Variants in PRMT7 observed in about 807,000 individuals in gnomAD.
PRMT7 encodes protein arginine methyltransferase 7.
In PRMT7, 75 loss-of-function variants were observed where a neutral mutation model predicts 85.4. The ratio of observed to expected loss-of-function variants is 0.88; its 90% CI spans 0.73 to 1.06. The LOEUF is 1.06. Ranked by LOEUF, PRMT7 falls within the 50% of genes least tolerant of loss-of-function variation. The probability of loss-of-function intolerance (pLI) is 0.00; values close to 1 mark genes in which losing one functional copy is unlikely to be tolerated. For missense variants in PRMT7, 868 were observed against 915.2 expected, an observed-to-expected ratio of 0.95 and a Z score of 0.67; for synonymous variants, 397 against 359.5, an observed-to-expected ratio of 1.10 and a Z score of -1.18.
At chr16:68,352,118 G>A in intron 14 of PRMT7, 130 bp from the exon 15 acceptor site, 1 of 902,588 alleles carries the variant, frequency 1.1e-6, no homozygotes, top group Non-Finnish European at 1.7e-6. Context: ...GTGACTGAGT[G>A]AGGGAGGGAG....
intron 12 of PRMT7, 105 bp downstream of exon 12, chr16:68,347,399 C>G: frequency 8.2e-7 from 1 of 1,219,456 alleles, no homozygotes; most frequent in Middle Eastern, 1.9e-4. Context: ...GCAAAGGCCA[C>G]TGTTGTGGGC....
intron 5 of PRMT7, among the ~76,000 whole-genome samples, chr16:68,325,847 A>T (rs1020862404): frequency 6.6e-6 from 1 of 152,126 alleles, no homozygotes; most frequent in Non-Finnish European, 1.5e-5. Flanking sequence ...ACAGATTTTG[A>T]TTTAACTTTT....
intron 15 of PRMT7, 144 bp from the exon 16 acceptor site, chr16:68,353,348 G>C (rs2087702545): frequency 1.4e-6 from 2 of 1,475,036 alleles, no homozygotes; most frequent in African/African-American, 1.4e-5. Context: ...AACCGTTGTG[G>C]ATCTTTGTTC....
rs767452585 is a variant in PRMT7 at position 68,347,229 on chromosome 16, G to A, written c.1210G>A (p.Val404Met). 48 of 1,552,958 alleles carry A rather than the reference G, an allele frequency of 3.1e-5. 1 individual carries two copies. In the South Asian group the frequency reaches 4.8e-4, roughly 15 times the overall value. ...CCCGCAGGTGCTGAAGCCAGACAGC[G>A]TGTGCCTGTGTGTCAGCGATGGCAG... is the stretch of plus-strand genomic sequence containing the variant. ...ALRTVLKPDSVCLCVSDGSLL... is the reference protein window; with the variant it reads ...ALRTVLKPDSMCLCVSDGSLL... Residue 404 changes from valine to methionine, a missense_variant, in exon 12 of 19, where the codon GTG becomes ATG. Transcript: ENST00000441236.
At chr16:68,350,136 T>C (rs11075672) in intron 14 of PRMT7, among the ~76,000 whole-genome samples, 84,572 of 152,162 alleles carry the variant, frequency 0.56, 23,908 homozygotes, top group East Asian at 0.79. Flanking sequence ...TTGAAGGCTG[T>C]GTAGCATTCC....
chr16:68,325,828 C>G (rs1375562969), intron 5 of PRMT7, among the ~76,000 whole-genome samples: 1 of 152,110 alleles, frequency 6.6e-6, no homozygotes, highest in African/African-American at 2.4e-5. Flanking sequence ...TGCCTAGTCC[C>G]CAGCCCTAAC....
At chr16:68,329,381 G>A (rs13335588) in intron 6 of PRMT7, 6,164 of 414,922 alleles carry the variant, frequency 0.015, 297 homozygotes, top group African/African-American at 0.11. Flanking sequence ...ACTAGAGCTA[G>A]TCAGGTCCAG....
At chr16:68,319,141 G>C (rs1000734892) in intron 3 of PRMT7, 1 of 152,218 alleles carries the variant, frequency 6.6e-6, no homozygotes, top group Non-Finnish European at 1.5e-5. Context: ...GTTTAGGTTT[G>C]GACATCCACA....
chr16:68,348,321 T>C (rs762482138), intron 13 of PRMT7, 21 bp from the exon 14 acceptor site: 2 of 1,546,984 alleles, frequency 1.3e-6, no homozygotes, highest in South Asian at 1.1e-5. Flanking sequence ...AATACAGTAA[T>C]TTTACGGTTT....
At chr16:68,345,214 G>GCAT (rs2086178611) in intron 9 of PRMT7, among the ~76,000 whole-genome samples, 1 of 152,180 alleles carries the variant, frequency 6.6e-6, no homozygotes, top group African/African-American at 2.4e-5. Flanking sequence ...TAGGTTTAGT[G>GCAT]CATTGAGTCT....
At position 68,358,539 on chromosome 16, in the gene PRMT7, CAATACAGAAAAA is replaced by C. The variant is rs2088980275; in HGVS notation, c.*1326_*1337del. 1.3e-5 allele frequency: 2 copies of C among 152,508 alleles called. No individual in the cohort carries two copies. The highest frequency in any genetic ancestry group is 2.1e-4 in the South Asian group (1 of 4,828). 9.4% of individuals were successfully genotyped at this position (152,508 alleles called of 1,614,324 possible). A position where few individuals can be genotyped will look rare whatever the true frequency, so the allele number is the denominator to read the frequency against. Reference sequence around the variant, plus strand: ...AAACCCCTAATGTCCCATGAAGATACAATACAGAAAAAAATACAGAAATTAAAAAAGTTTTTA... The same window carrying C: ...AAACCCCTAATGTCCCATGAAGATACAATACAGAAATTAAAAAAGTTTTTA... On this transcript the variant is annotated 3_prime_UTR_variant, in exon 19 of 19. Transcript: ENST00000441236.
intron 10 of PRMT7, 136 bp from the exon 11 acceptor site, chr16:68,346,009 A>T (rs1347024831): frequency 7.1e-7 from 1 of 1,400,252 alleles, no homozygotes; most frequent in Non-Finnish European, 9.7e-7. Flanking sequence ...TTTAGAGCAG[A>T]TGCGTAGGAA....
At chr16:68,344,834 A>G (rs947760750) in intron 9 of PRMT7, among the ~76,000 whole-genome samples, 3 of 151,796 alleles carry the variant, frequency 2.0e-5, no homozygotes, top group African/African-American at 7.3e-5. Context: ...ATAAGTGAAA[A>G]TGAACACTGA....
intron 9 of PRMT7, among the ~76,000 whole-genome samples, chr16:68,343,369 A>G (rs2085842164): frequency 6.6e-6 from 1 of 152,170 alleles, no homozygotes; most frequent in Non-Finnish European, 1.5e-5. Flanking sequence ...GTCCAGGAGC[A>G]GTAGAGTGGG....
intron 11 of PRMT7, among the ~76,000 whole-genome samples, chr16:68,346,503 G>A (rs936547159): frequency 3.3e-5 from 5 of 152,198 alleles, no homozygotes; most frequent in Non-Finnish European, 7.3e-5. Context: ...AGAGCCTCTG[G>A]CTGGGCTCCT....
At position 68,329,262 on chromosome 16, in the gene PRMT7, A is replaced by G. The variant is rs1663619369; in HGVS notation, c.391+88A>G. 5.1e-6 allele frequency: 5 copies of G among 981,966 alleles called. 1 individual carries two copies. Among genetic ancestry groups the G allele is most frequent in the South Asian group, 4.2e-5 (3 of 72,024 alleles). 60.8% of individuals were successfully genotyped at this position (981,966 alleles called of 1,614,324 possible). On this transcript the variant is annotated intron_variant, in intron 6 of 18. Coordinates refer to ENST00000441236, the MANE Select transcript of PRMT7 (RefSeq NM_019023.5). ...TATTCCAGTTACCTGGAACAAATCC[A>G]GGTCATAGCATAGAAGTGGGACCTC...
rs937717984 is a variant in PRMT7, at chr16:68,325,443, C to T, written c.282+611C>T. The stretch of plus-strand genomic sequence containing the variant: ...AGGGGAAAGTATTTAAATACATGCC[C>T]CCACACCACCACACTCCAGCCTGGG... On this transcript the variant is annotated intron_variant, in intron 5 of 18. Transcript: ENST00000441236. 1.9e-4 allele frequency among the ~76,000 whole-genome samples: 29 copies of T among 151,984 alleles called. 2 individuals are homozygous for T. The highest frequency in any genetic ancestry group is 1.5e-5 in the Non-Finnish European group (1 of 68,000).
intron 15 of PRMT7, chr16:68,353,278 A>G: frequency 9.8e-7 from 1 of 1,025,482 alleles, no homozygotes; most frequent in Non-Finnish European, 1.3e-6. Context: ...CCCTTATAGG[A>G]GAGGACTCAG....
intron 1 of PRMT7, chr16:68,311,315 G>A (rs1021564976): frequency 4.3e-5 from 14 of 325,482 alleles, no homozygotes; most frequent in Admixed American, 1.4e-4. Context: ...GCCACTCGCG[G>A]GGCTCTGTCG....
Sources: allele counts gnomAD v4.1 joint callset (sites outside exome capture counted in the v4.1 genomes callset), GRCh38; gene constraint gnomAD v4.1.1; transcripts MANE v1.5; gene names NCBI Gene and HGNC (gene_info 2026-07-23, HGNC 2026-07-21).